GPATCH2: variants seen among roughly 807,000 people sequenced by gnomAD.
The protein encoded by GPATCH2 is G-patch domain containing 2, also known as G patch domain-containing protein 2.
GPATCH2 carries 51 observed loss-of-function variants against 58.0 expected under a neutral mutation model. The observed-to-expected ratio is 0.88, with a 90% CI of 0.70 to 1.11. GPATCH2 has a LOEUF of 1.11. Among genes scored for constraint, GPATCH2 ranks in the 50% most tolerant of loss-of-function variants. The probability of loss-of-function intolerance (pLI) is 0.00; values close to 1 mark genes in which losing one functional copy is unlikely to be tolerated. For synonymous variants in GPATCH2, 222 were observed against 218.5 expected, an observed-to-expected ratio of 1.02 and a Z score of -0.14; for missense variants, 625 against 652.2, an observed-to-expected ratio of 0.96 and a Z score of 0.45.
intron 3 of GPATCH2, among the ~76,000 whole-genome samples, chr1:217,613,621 G>C (rs1011200220): frequency 6.6e-6 from 1 of 151,978 alleles, no homozygotes; most frequent in Middle Eastern, 3.2e-3. Flanking sequence ...GAAGCTTCTG[G>C]AAGTTTCAAA....
intron 5 of GPATCH2, among the ~76,000 whole-genome samples, chr1:217,537,171 G>C (rs747516449): frequency 2.6e-5 from 4 of 152,052 alleles, no homozygotes; most frequent in Non-Finnish European, 4.4e-5. Context: ...CAAAGAAAAG[G>C]AGTCCTTTTC....
intron 8 of GPATCH2, among the ~76,000 whole-genome samples, chr1:217,453,174 A>C (rs1469839104): frequency 6.6e-6 from 1 of 152,204 alleles, no homozygotes; most frequent in Non-Finnish European, 1.5e-5. Flanking sequence ...TTGGAATACT[A>C]CTCAAGGTGA....
rs1661748324 is a variant in GPATCH2 at position 217,491,768 on chromosome 1, A to G, written c.1207-18T>C. On this transcript the variant is annotated intron_variant, in intron 7 of 9. Transcript: ENST00000366935. ...AGCTGATGCTACACAAAGTGTTAAG[A>G]CAAAGTCATAGAAACAAAAATATTT... 2 of 1,048,540 alleles carry G rather than the reference A, an allele frequency of 1.9e-6. No homozygotes were observed. The highest frequency in any genetic ancestry group is 3.2e-5 in the South Asian group (2 of 62,222). 65.0% of individuals were successfully genotyped at this position (1,048,540 alleles called of 1,614,324 possible). A position where few individuals can be genotyped will look rare whatever the true frequency, so the allele number is the denominator to read the frequency against.
chr1:217,458,022 T>C (rs939049871), intron 8 of GPATCH2, among the ~76,000 whole-genome samples: 159 of 152,204 alleles, frequency 1.0e-3, no homozygotes, highest in Non-Finnish European at 5.0e-4. Context: ...AGTCAGGAGA[T>C]AGAGAATATC....
intron 8 of GPATCH2, among the ~76,000 whole-genome samples, chr1:217,480,439 G>A (rs1661163933): frequency 6.6e-6 from 1 of 152,128 alleles, no homozygotes; most frequent in South Asian, 2.1e-4. Flanking sequence ...AAACCACAAT[G>A]AAATATCATC....
At chr1:217,443,378 A>G (rs905164581) in intron 9 of GPATCH2, among the ~76,000 whole-genome samples, 13 of 152,134 alleles carry the variant, frequency 8.5e-5, no homozygotes, top group Non-Finnish European at 1.5e-4. Context: ...TCTCAATTGT[A>G]CTGCTATTTT....
intron 5 of GPATCH2, among the ~76,000 whole-genome samples, chr1:217,531,653 A>G (rs1664195787): frequency 6.6e-6 from 1 of 152,228 alleles, no homozygotes; most frequent in Non-Finnish European, 1.5e-5. Context: ...AGAAAATGAA[A>G]GAGATGCTCA....
At chr1:217,571,626 C>G (rs967400330) in intron 5 of GPATCH2, among the ~76,000 whole-genome samples, 1 of 146,592 alleles carries the variant, frequency 6.8e-6, no homozygotes, top group Non-Finnish European at 1.5e-5. Context: ...AGTTTGAGAC[C>G]AGCCTGGCCA....
intron 5 of GPATCH2, among the ~76,000 whole-genome samples, chr1:217,568,108 C>T (rs879031677): frequency 6.6e-6 from 1 of 151,980 alleles, no homozygotes; most frequent in African/African-American, 2.4e-5. Context: ...TAGAGCAAGA[C>T]TCCGTCTCAA....
At position 217,574,583 on chromosome 1, in the gene GPATCH2, A is replaced by G. The variant is rs867776670; in HGVS notation, c.1098+35738T>C. 4.5e-4 allele frequency among the ~76,000 whole-genome samples: 69 copies of G among 152,306 alleles called. 1 individual carries two copies. The highest frequency in any genetic ancestry group is 4.4e-3 in the South Asian group (21 of 4,818). Reference sequence around the variant, plus strand: ...GGAATAATCATAAACCTAAAATAAGAGAAGGAAAAGAAAAAACATTTTTGG... The same window carrying G: ...GGAATAATCATAAACCTAAAATAAGGGAAGGAAAAGAAAAAACATTTTTGG... On this transcript the variant is annotated intron_variant, in intron 5 of 9. Coordinates refer to ENST00000366935, the MANE Select transcript of GPATCH2 (RefSeq NM_018040.5).
At chr1:217,549,133 T>A (rs1399787080) in intron 5 of GPATCH2, among the ~76,000 whole-genome samples, 1 of 152,166 alleles carries the variant, frequency 6.6e-6, no homozygotes, top group Non-Finnish European at 1.5e-5. Flanking sequence ...AATAGTTAAG[T>A]TTTGGCAGCT....
chr1:217,551,642 C>T (rs952689624), intron 5 of GPATCH2, among the ~76,000 whole-genome samples: 2 of 152,132 alleles, frequency 1.3e-5, no homozygotes, highest in African/African-American at 4.8e-5. Context: ...AATACGAACA[C>T]AGATCTCACT....
chr1:217,590,193 G>A (rs919200527), intron 5 of GPATCH2, among the ~76,000 whole-genome samples: 3 of 151,836 alleles, frequency 2.0e-5, no homozygotes, highest in African/African-American at 7.3e-5. Context: ...GCTAATTTTT[G>A]TGTTTTTAGT....
At chr1:217,624,868 T>A (rs1669375456) in intron 1 of GPATCH2, among the ~76,000 whole-genome samples, 3 of 152,260 alleles carry the variant, frequency 2.0e-5, no homozygotes, top group Non-Finnish European at 1.5e-5. Flanking sequence ...TGGGAACAGT[T>A]AATATTGGGT....
chr1:217,581,015 CA>C (rs761336891), intron 5 of GPATCH2, among the ~76,000 whole-genome samples: 5 of 26,278 alleles, frequency 1.9e-4, no homozygotes, highest in African/African-American at 3.8e-4. Context: ...GACTCCGTCT[CA>C]AAAAAAAAAA....
At chr1:217,586,802 C>T (rs964908228) in intron 5 of GPATCH2, among the ~76,000 whole-genome samples, 5 of 152,068 alleles carry the variant, frequency 3.3e-5, no homozygotes, top group African/African-American at 1.2e-4. Context: ...TACAATGCCA[C>T]GAGGTGACAG....
intron 9 of GPATCH2, among the ~76,000 whole-genome samples, chr1:217,437,145 C>T (rs1471549362): frequency 3.9e-5 from 6 of 152,140 alleles, no homozygotes; most frequent in Non-Finnish European, 5.9e-5. Context: ...GAACTCCCTC[C>T]CCTAGGCAAG....
At chr1:217,581,152 C>T (rs1667063870) in intron 5 of GPATCH2, among the ~76,000 whole-genome samples, 3 of 151,510 alleles carry the variant, frequency 2.0e-5, no homozygotes, top group Admixed American at 1.3e-4. Flanking sequence ...AGCATCTCCG[C>T]TCTACACTTG....
intron 5 of GPATCH2, among the ~76,000 whole-genome samples, chr1:217,544,933 A>C (rs901103778): frequency 1.3e-5 from 2 of 152,148 alleles, no homozygotes; most frequent in African/African-American, 2.4e-5. Flanking sequence ...TAAGCTCTCC[A>C]TCTGTATATT....
Sources: allele counts gnomAD v4.1 joint callset (sites outside exome capture counted in the v4.1 genomes callset), GRCh38; gene constraint gnomAD v4.1.1; transcripts MANE v1.5; gene names NCBI Gene and HGNC (gene_info 2026-07-23, HGNC 2026-07-21).